Variants in SLC1A2 observed in about 807,000 individuals in gnomAD.
The protein encoded by SLC1A2 is solute carrier family 1 member 2, also known as excitatory amino acid transporter 2.
In SLC1A2, 15 loss-of-function variants were observed where a neutral mutation model predicts 48.8. That is an observed-to-expected ratio of 0.31 (90% CI 0.21 to 0.47). The LOEUF (loss-of-function observed/expected upper bound fraction) is 0.47, where lower values mean the gene tolerates loss of function less well. Ranked by LOEUF, SLC1A2 falls within the 20% of genes least tolerant of loss-of-function variation. The probability of loss-of-function intolerance (pLI) is 0.99; values close to 1 mark genes in which losing one functional copy is unlikely to be tolerated. For synonymous variants in SLC1A2, 279 were observed against 272.6 expected, an observed-to-expected ratio of 1.02 and a Z score of -0.23; for missense variants, 502 against 730.5, an observed-to-expected ratio of 0.69 and a Z score of 3.61.
At chr11:35,382,656 C>T (rs1028293324) in intron 1 of SLC1A2, among the ~76,000 whole-genome samples, 4 of 152,052 alleles carry the variant, frequency 2.6e-5, no homozygotes, top group Non-Finnish European at 5.9e-5. Flanking sequence ...ATTAGCTGGG[C>T]GTGGTGGCAG....
chr11:35,313,220 C>G (rs3843610), intron 3 of SLC1A2, among the ~76,000 whole-genome samples: 113,044 of 152,080 alleles, frequency 0.74, 42,386 homozygotes, highest in East Asian at 0.83. Flanking sequence ...GTGCCACACT[C>G]AAAATGTCTT....
At chr11:35,315,592 G>A (rs1288310379) in intron 2 of SLC1A2, 3 of 156,494 alleles carry the variant, frequency 1.9e-5, no homozygotes, top group East Asian at 1.8e-4. Context: ...TCAGGAGTTC[G>A]AGACCAGCCT....
chr11:35,344,982 G>A (rs545192860), intron 1 of SLC1A2, among the ~76,000 whole-genome samples: 1 of 152,252 alleles, frequency 6.6e-6, no homozygotes, highest in African/African-American at 2.4e-5. Context: ...AGGCTTAGCA[G>A]CTCTGATTCA....
At chr11:35,336,045 C>G (rs919823560) in intron 1 of SLC1A2, among the ~76,000 whole-genome samples, 1 of 152,066 alleles carries the variant, frequency 6.6e-6, no homozygotes, top group African/African-American at 2.4e-5. Flanking sequence ...AAGCCATTAT[C>G]CTCATCAAAC....
intron 5 of SLC1A2, among the ~76,000 whole-genome samples, chr11:35,302,011 T>C (rs1188849491): frequency 6.6e-6 from 1 of 152,236 alleles, no homozygotes; most frequent in Non-Finnish European, 1.5e-5. Context: ...CTGTTGGGAC[T>C]TGGGGATTAT....
rs370251489 is a variant in SLC1A2 at position 35,365,650 on chromosome 11, A to G, written c.18-48134T>C. Among the ~76,000 whole-genome samples the G allele has an allele frequency of 1.3e-5, 2 of 152,150 alleles. 1 individual carries two copies. Among genetic ancestry groups the G allele is most frequent in the South Asian group, 4.1e-4 (2 of 4,828 alleles). On this transcript the variant is annotated intron_variant, in intron 1 of 10. Transcript: ENST00000278379. The stretch of plus-strand genomic sequence containing the variant: ...CCATCCCCAGCCTGCAACAAAAGTG[A>G]TGTTTACCACTCCTGAACTATTTCT...
intron 9 of SLC1A2, among the ~76,000 whole-genome samples, chr11:35,273,428 G>T (rs181740735): frequency 6.6e-6 from 1 of 152,146 alleles, no homozygotes; most frequent in Admixed American, 6.5e-5. Flanking sequence ...TTTCTCATTC[G>T]TAACATATGG....
At chr11:35,372,957 C>T (rs189462183) in intron 1 of SLC1A2, among the ~76,000 whole-genome samples, 79 of 152,296 alleles carry the variant, frequency 5.2e-4, no homozygotes, top group African/African-American at 1.9e-3. Flanking sequence ...GTAACTTGCT[C>T]GAACTTGTTT....
intron 1 of SLC1A2, among the ~76,000 whole-genome samples, chr11:35,341,224 C>T (rs763708365): frequency 9.2e-5 from 14 of 151,980 alleles, no homozygotes; most frequent in Non-Finnish European, 1.8e-4. Context: ...GGTCCCAGGC[C>T]GGAGAGGTAG....
chr11:35,324,027 C>T (rs1001987559), intron 1 of SLC1A2, among the ~76,000 whole-genome samples: 3 of 152,354 alleles, frequency 2.0e-5, no homozygotes, highest in East Asian at 3.9e-4. Context: ...AGACCACCTA[C>T]ATCAGGCACA....
At chr11:35,305,800 C>A (rs1468067296) in intron 5 of SLC1A2, among the ~76,000 whole-genome samples, 1 of 152,216 alleles carries the variant, frequency 6.6e-6, no homozygotes, top group Non-Finnish European at 1.5e-5. Context: ...TAACACCACA[C>A]AGAGAGTCAG....
intron 1 of SLC1A2, among the ~76,000 whole-genome samples, chr11:35,365,318 A>G (rs919949792): frequency 6.6e-6 from 1 of 152,186 alleles, no homozygotes; most frequent in Non-Finnish European, 1.5e-5. Flanking sequence ...CACATGATCA[A>G]TGATATGGTA....
chr11:35,261,843 T>A (rs146718004), intron 10 of SLC1A2: 8 of 397,550 alleles, frequency 2.0e-5, no homozygotes, highest in Admixed American at 1.3e-4. Flanking sequence ...AATGCATGCA[T>A]CATGACCACA....
chr11:35,313,125 G>C lies in SLC1A2; in HGVS notation c.311-677C>G, dbSNP rs1851758430. Among the ~76,000 whole-genome samples the C allele has an allele frequency of 2.0e-5, 3 of 152,120 alleles. No homozygotes were observed. The East Asian group carries it at 5.8e-4, about 29-fold the overall frequency. On this transcript the variant is annotated intron_variant, in intron 3 of 10. Coordinates refer to ENST00000278379, the MANE Select transcript of SLC1A2 (RefSeq NM_004171.4). ...CATCTCCTTTGTTTTATGAAGCGATGCTGCTGGTACATGCTAGTTTTTAAC... is the reference window on the plus strand; with the variant it reads ...CATCTCCTTTGTTTTATGAAGCGATCCTGCTGGTACATGCTAGTTTTTAAC...
At chr11:35,322,298 T>A (rs1000212207) in intron 1 of SLC1A2, among the ~76,000 whole-genome samples, 7 of 152,170 alleles carry the variant, frequency 4.6e-5, no homozygotes, top group African/African-American at 1.4e-4. Context: ...TAACGCTAAG[T>A]TTTAAACTAT....
chr11:35,324,295 A>G (rs1220955966), intron 1 of SLC1A2, among the ~76,000 whole-genome samples: 2 of 152,268 alleles, frequency 1.3e-5, no homozygotes, highest in Admixed American at 6.5e-5. Flanking sequence ...TTAAAACACC[A>G]GCTCTGATGA....
intron 1 of SLC1A2, among the ~76,000 whole-genome samples, chr11:35,364,942 T>C (rs939968922): frequency 6.6e-6 from 1 of 152,132 alleles, no homozygotes; most frequent in African/African-American, 2.4e-5. Context: ...GAAAAAGAAG[T>C]CCATACCTGG....
At chr11:35,407,008 A>T (rs2135286715) in intron 1 of SLC1A2, among the ~76,000 whole-genome samples, 1 of 152,334 alleles carries the variant, frequency 6.6e-6, no homozygotes, top group Non-Finnish European at 1.5e-5. Flanking sequence ...ATGCAAGAGC[A>T]TAAATGATGA....
chr11:35,393,092 C>G (rs1039574830), intron 1 of SLC1A2, among the ~76,000 whole-genome samples: 1 of 152,168 alleles, frequency 6.6e-6, no homozygotes, highest in Admixed American at 6.5e-5. Context: ...CAGTAAGTAT[C>G]TGGTCCTAGA....
Sources: allele counts gnomAD v4.1 joint callset (sites outside exome capture counted in the v4.1 genomes callset), GRCh38; gene constraint gnomAD v4.1.1; transcripts MANE v1.5; gene names NCBI Gene and HGNC (gene_info 2026-07-23, HGNC 2026-07-21).